AKAP6: variants seen among roughly 807,000 people sequenced by gnomAD.
AKAP6 encodes A-kinase anchoring protein 6.
In AKAP6, 58 loss-of-function variants were observed where a neutral mutation model predicts 188.5. The ratio of observed to expected loss-of-function variants is 0.31; its 90% CI spans 0.25 to 0.38. The LOEUF is 0.38. AKAP6 is among the 10% of genes least tolerant of loss of function. AKAP6 has a pLI of 1.00. For synonymous variants in AKAP6, 989 were observed against 998.6 expected (o/e 0.99, Z 0.18); for missense variants, 2,710 against 2,740.0 (o/e 0.99, Z 0.24).
intron 9 of AKAP6, among the ~76,000 whole-genome samples, chr14:32,706,465 G>A (rs1890816057): frequency 6.6e-6 from 1 of 152,058 alleles, no homozygotes; most frequent in Non-Finnish European, 1.5e-5. Context: ...CTTTTTGGGA[G>A]ATGCACTAAA....
At chr14:32,424,602 G>GTAT (rs1889968473) in intron 1 of AKAP6, among the ~76,000 whole-genome samples, 1 of 152,080 alleles carries the variant, frequency 6.6e-6, no homozygotes, top group Admixed American at 6.6e-5. Context: ...CATCACCCAT[G>GTAT]TATTAAGCCT....
At chr14:32,453,568 T>G (rs1891005987) in intron 2 of AKAP6, among the ~76,000 whole-genome samples, 1 of 115,344 alleles carries the variant, frequency 8.7e-6, no homozygotes, top group South Asian at 2.5e-4. Flanking sequence ...AATAGAATTT[T>G]TCTTTTCTTT....
At chr14:32,829,510 G>A (rs909080323) in intron 13 of AKAP6, among the ~76,000 whole-genome samples, 4 of 134,342 alleles carry the variant, frequency 3.0e-5, no homozygotes, top group Non-Finnish European at 7.1e-5. Context: ...TTGGTTTGAA[G>A]CTATTTTGAT....
At chr14:32,618,162 C>A (rs1886661422) in intron 7 of AKAP6, among the ~76,000 whole-genome samples, 1 of 152,114 alleles carries the variant, frequency 6.6e-6, no homozygotes, top group Non-Finnish European at 1.5e-5. Flanking sequence ...TATGTCTGTA[C>A]TTGGAAATTT....
intron 1 of AKAP6, among the ~76,000 whole-genome samples, chr14:32,432,923 C>A (rs1431273488): frequency 6.6e-6 from 1 of 152,110 alleles, no homozygotes; most frequent in East Asian, 1.9e-4. Flanking sequence ...CCGTCCTCTA[C>A]CCGTCATACG....
intron 1 of AKAP6, among the ~76,000 whole-genome samples, chr14:32,354,941 T>A (rs1386302852): frequency 6.6e-6 from 1 of 152,188 alleles, no homozygotes; most frequent in Non-Finnish European, 1.5e-5. Flanking sequence ...GTGCCCTGCT[T>A]TCTCCCAGCC....
intron 7 of AKAP6, among the ~76,000 whole-genome samples, chr14:32,642,660 T>A (rs1036673148): frequency 2.0e-5 from 3 of 152,186 alleles, no homozygotes; most frequent in African/African-American, 7.2e-5. Flanking sequence ...ATACTCCACA[T>A]GCTGTGACCT....
chr14:32,547,483 T>C (rs1260159673), intron 4 of AKAP6, among the ~76,000 whole-genome samples: 1 of 152,238 alleles, frequency 6.6e-6, no homozygotes, highest in Non-Finnish European at 1.5e-5. Flanking sequence ...GGATCTTTTT[T>C]TTCTTTACTC....
intron 7 of AKAP6, among the ~76,000 whole-genome samples, chr14:32,662,246 G>A (rs1018151358): frequency 1.2e-4 from 18 of 152,002 alleles, no homozygotes; most frequent in Non-Finnish European, 1.9e-4. Context: ...TTTGGGCATG[G>A]GATTCTGACT....
At chr14:32,480,813 T>C (rs1879303633) in intron 2 of AKAP6, among the ~76,000 whole-genome samples, 1 of 152,150 alleles carries the variant, frequency 6.6e-6, no homozygotes, top group Non-Finnish European at 1.5e-5. Flanking sequence ...AGCCTGAAGA[T>C]CCTACTGGTC....
At chr14:32,695,729 G>T (rs967769852) in intron 8 of AKAP6, among the ~76,000 whole-genome samples, 1 of 152,058 alleles carries the variant, frequency 6.6e-6, no homozygotes, top group South Asian at 2.1e-4. Flanking sequence ...CCTCAGAAAG[G>T]GTTAGCAAAT....
At chr14:32,741,232 G>A (rs527287235) in intron 11 of AKAP6, among the ~76,000 whole-genome samples, 2 of 151,926 alleles carry the variant, frequency 1.3e-5, no homozygotes, top group South Asian at 2.1e-4. Context: ...TTTGTATCCC[G>A]CAACTTTACT....
At chr14:32,542,277 A>G (rs973339206) in intron 3 of AKAP6, among the ~76,000 whole-genome samples, 5 of 152,218 alleles carry the variant, frequency 3.3e-5, no homozygotes, top group Non-Finnish European at 7.3e-5. Flanking sequence ...AAGAAATTAT[A>G]GGAAGGCATA....
At chr14:32,403,631 C>G (rs1242521327) in intron 1 of AKAP6, among the ~76,000 whole-genome samples, 1 of 152,194 alleles carries the variant, frequency 6.6e-6, no homozygotes, top group Non-Finnish European at 1.5e-5. Context: ...GTTTCTTCAT[C>G]TGTAAGATGG....
At chr14:32,468,668 A>G (rs578050894) in intron 2 of AKAP6, among the ~76,000 whole-genome samples, 54 of 152,112 alleles carry the variant, frequency 3.6e-4, no homozygotes, top group African/African-American at 1.2e-3. Flanking sequence ...GTTATGTTTT[A>G]TTGTCCTCCC....
chr14:32,509,348 A>T (rs1257201399), intron 2 of AKAP6, among the ~76,000 whole-genome samples: 4 of 151,618 alleles, frequency 2.6e-5, no homozygotes, highest in Non-Finnish European at 5.9e-5. Flanking sequence ...GGCTGGTCTT[A>T]AACTCCTGAG....
intron 1 of AKAP6, chr14:32,373,433 C>A (rs770792157): frequency 2.6e-5 from 4 of 152,138 alleles, no homozygotes; most frequent in Non-Finnish European, 5.9e-5. Flanking sequence ...GTTTATTGAT[C>A]TGGGTGGTGC....
intron 2 of AKAP6, among the ~76,000 whole-genome samples, chr14:32,494,731 C>T (rs1397310262): frequency 6.6e-6 from 1 of 152,118 alleles, no homozygotes; most frequent in Non-Finnish European, 1.5e-5. Context: ...TTGCATGCCT[C>T]TCTTGAATTC....
At chr14:32,452,097 C>G (rs1890962680) in intron 2 of AKAP6, among the ~76,000 whole-genome samples, 1 of 134,604 alleles carries the variant, frequency 7.4e-6, no homozygotes, top group East Asian at 2.4e-4. Context: ...TCACGGCTCA[C>G]TGCAGCCTTC....
Sources: gnomAD v4.1 joint callset for allele counts (sites outside exome capture counted in the v4.1 genomes callset) on GRCh38, gnomAD v4.1.1 for gene constraint, MANE v1.5 for transcripts, NCBI Gene and HGNC (gene_info 2026-07-23, HGNC 2026-07-21) for gene names.